Variants in CFAP54 observed in about 807,000 individuals in gnomAD.
The protein encoded by CFAP54 is cilia and flagella associated protein 54.
Under a neutral mutation model 370.4 loss-of-function variants are expected in CFAP54, and 290 were observed. The observed-to-expected ratio is 0.78, with a 90% CI of 0.71 to 0.86. CFAP54 has a LOEUF of 0.86. CFAP54 is among the 40% of genes least tolerant of loss of function. The pLI, the probability that CFAP54 is intolerant of heterozygous loss-of-function variation, is 0.00. For synonymous variants in CFAP54, 1,206 were observed against 1,236.5 expected, an observed-to-expected ratio of 0.98 and a Z score of 0.52; for missense variants, 3,399 against 3,528.7, an observed-to-expected ratio of 0.96 and a Z score of 0.93.
intron 9 of CFAP54, among the ~76,000 whole-genome samples, chr12:96,533,155 A>G (rs1955459414): frequency 6.6e-6 from 1 of 151,196 alleles, no homozygotes; most frequent in Admixed American, 6.6e-5. Flanking sequence ...TTTGAGAGTC[A>G]GGTTCTTGCT....
chr12:96,667,361 A>T (rs1000245346), intron 39 of CFAP54, among the ~76,000 whole-genome samples: 3 of 152,196 alleles, frequency 2.0e-5, no homozygotes, highest in African/African-American at 7.2e-5. Flanking sequence ...GAGGTTCTCC[A>T]TGAGGGACCC....
intron 63 of CFAP54, among the ~76,000 whole-genome samples, chr12:96,801,045 A>G (rs1190113898): frequency 6.6e-6 from 1 of 152,216 alleles, no homozygotes; most frequent in African/African-American, 2.4e-5. Flanking sequence ...AGGGACAAAA[A>G]GAATCATTGT....
At position 96,624,476 on chromosome 12, in the gene CFAP54, G is replaced by A. The variant is rs139124807; in HGVS notation, c.3886+595G>A. ...TGAAAGATTAGTTTAATTTTAGGTCGTTGTACTGTAGTAATTTCATAATAA... is the reference window on the plus strand; with the variant it reads ...TGAAAGATTAGTTTAATTTTAGGTCATTGTACTGTAGTAATTTCATAATAA... On this transcript the variant is annotated intron_variant, in intron 28 of 67. Coordinates refer to ENST00000524981, the MANE Select transcript of CFAP54 (RefSeq NM_001306084.2). 1.4e-4 allele frequency among the ~76,000 whole-genome samples: 22 copies of A among 152,286 alleles called. No individual in the cohort carries two copies. The East Asian group carries it at 2.3e-3, about 16-fold the overall frequency.
At chr12:96,613,481 CA>C (rs1344972129) in intron 26 of CFAP54, among the ~76,000 whole-genome samples, 7 of 152,120 alleles carry the variant, frequency 4.6e-5, no homozygotes, top group Admixed American at 3.3e-4. Context: ...AGAGCGAACA[CA>C]TTCAAAAGCT....
intron 60 of CFAP54, among the ~76,000 whole-genome samples, chr12:96,780,567 C>G (rs878994771): frequency 6.6e-6 from 1 of 151,902 alleles, no homozygotes; most frequent in Admixed American, 6.6e-5. Flanking sequence ...AACTGATATT[C>G]AAGATAGAGA....
rs150125601 is a variant in CFAP54 at position 96,787,010 on chromosome 12, G to C, written c.8679+112G>C. Reference sequence around the variant, plus strand: ...CTGGCACAGATTTCTACTTCTCTCAGAGTTCTAGGGAAGGCTCATTCCTGT... The same window carrying C: ...CTGGCACAGATTTCTACTTCTCTCACAGTTCTAGGGAAGGCTCATTCCTGT... On this transcript the variant is annotated intron_variant, in intron 62 of 67. Transcript: ENST00000524981. 6.7e-5 allele frequency: 55 copies of C among 815,940 alleles called. No homozygotes were observed. The African/African-American group carries it at 7.8e-4, about 12-fold the overall frequency. The allele number at this position is 815,940 out of a possible 1,614,324, so 50.5% of individuals were successfully genotyped here. A position where few individuals can be genotyped will look rare whatever the true frequency, so the allele number is the denominator to read the frequency against.
At chr12:96,785,137 A>C (rs1958616151) in intron 61 of CFAP54, among the ~76,000 whole-genome samples, 1 of 152,212 alleles carries the variant, frequency 6.6e-6, no homozygotes, top group Non-Finnish European at 1.5e-5. Context: ...CATGATAAGG[A>C]GGCATCCAGA....
rs932520696 is a variant in CFAP54, at chr12:96,757,648, A to G, written c.8040+60A>G. ...TTGCCTTTGAGCTTGCTATTTTGGT[A>G]ACACTGTGCTATTGAAATAATGAGG... On this transcript the variant is annotated intron_variant, in intron 58 of 67. Transcript: ENST00000524981. 1.5e-5 allele frequency: 14 copies of G among 935,884 alleles called. No homozygotes were observed. In the East Asian group the frequency reaches 3.1e-4, roughly 21 times the overall value. The allele number at this position is 935,884 out of a possible 1,614,324, so 58.0% of individuals were successfully genotyped here. A position where few individuals can be genotyped will look rare whatever the true frequency, so the allele number is the denominator to read the frequency against.
At chr12:96,682,965 C>T (rs1021649058) in intron 40 of CFAP54, among the ~76,000 whole-genome samples, 9 of 152,256 alleles carry the variant, frequency 5.9e-5, no homozygotes, top group African/African-American at 1.7e-4. Flanking sequence ...ATTCCATTTT[C>T]CTTGTCTTTC....
chr12:96,572,073 A>G (rs971759887), intron 19 of CFAP54, among the ~76,000 whole-genome samples: 1 of 152,222 alleles, frequency 6.6e-6, no homozygotes, highest in Non-Finnish European at 1.5e-5. Flanking sequence ...TAAATATGCC[A>G]TCTTAAAAGA....
At position 96,630,198 on chromosome 12, in the gene CFAP54, TG is replaced by T; in HGVS notation, c.4211del (p.Gly1404GlufsTer10). Reference protein sequence around the residue: ...LKFKAAVMEIGRSAEMQQRIR... With the variant: ...LKFKAAVMEIXRSAEMQQRIR... ...AGTTCAAAGCTGCAGTAATGGAAAT[TG>T]GAAGAGTAAGTTTCCTATGAGTTTT... On this transcript the variant is annotated frameshift_variant, in exon 31 of 68. Coordinates refer to ENST00000524981, the MANE Select transcript of CFAP54 (RefSeq NM_001306084.2). LOFTEE classifies it high-confidence loss of function. 6.8e-7 allele frequency: 1 copy of T among 1,469,072 alleles called. No homozygotes were observed. The highest frequency in any genetic ancestry group is 9.1e-7 in the Non-Finnish European group (1 of 1,096,856). The allele number at this position is 1,469,072 out of a possible 1,614,324, so 91.0% of individuals were successfully genotyped here.
intron 67 of CFAP54, among the ~76,000 whole-genome samples, chr12:96,872,060 C>T (rs376999060): frequency 5.3e-5 from 8 of 152,004 alleles, no homozygotes; most frequent in Non-Finnish European, 1.2e-4. Context: ...AAATATTAAC[C>T]ACCTTTGGAT....
intron 39 of CFAP54, among the ~76,000 whole-genome samples, chr12:96,668,879 A>C (rs113183537): frequency 1.4e-3 from 213 of 152,338 alleles, no homozygotes; most frequent in African/African-American, 4.8e-3. Flanking sequence ...GTAAGCATTC[A>C]TTCATTTATT....
chr12:96,804,617 A>T (rs1370364297), intron 63 of CFAP54, among the ~76,000 whole-genome samples: 1 of 152,176 alleles, frequency 6.6e-6, no homozygotes, highest in Admixed American at 6.5e-5. Flanking sequence ...GAAAGTGTAG[A>T]TGACACAAAC....
rs754843657 is a variant in CFAP54 at position 96,658,026 on chromosome 12, A to G, written c.5245A>G (p.Lys1749Glu). 1.2e-6 allele frequency: 2 copies of G among 1,614,000 alleles called. No individual in the cohort carries two copies. The highest frequency in any genetic ancestry group is 2.2e-5 in the South Asian group (2 of 91,066). ...GAAATGGATCCACGACTTTGTATTA[A>G]AATCTCTGGAAGTTTTATATCAAGT... is the stretch of plus-strand genomic sequence containing the variant. ...DLKWIHDFVL[K>E]SLEVLYQVEK... Residue 1749 changes from lysine (K) to glutamate (E), a missense_variant, in exon 37 of 68, where the codon AAA becomes GAA. Coordinates refer to ENST00000524981, the MANE Select transcript of CFAP54 (RefSeq NM_001306084.2).
chr12:96,856,009 A>C (rs572790222), intron 66 of CFAP54, among the ~76,000 whole-genome samples: 1 of 152,210 alleles, frequency 6.6e-6, no homozygotes, highest in Non-Finnish European at 1.5e-5. Flanking sequence ...CCAAACCTCA[A>C]TTCTTTAGTT....
intron 34 of CFAP54, among the ~76,000 whole-genome samples, chr12:96,649,132 G>C (rs1188606244): frequency 6.6e-6 from 1 of 152,190 alleles, no homozygotes; most frequent in Non-Finnish European, 1.5e-5. Flanking sequence ...TGGTATGCCA[G>C]TTAATGCCCC....
Position 96,776,972 on chromosome 12 carries a change from T to C in CFAP54, c.8282-7745T>C, listed in dbSNP as rs1226686371. Among the ~76,000 whole-genome samples, 4 of 152,212 alleles carry C rather than the reference T, an allele frequency of 2.6e-5. No homozygotes were observed. In the South Asian group the frequency reaches 8.3e-4, roughly 32 times the overall value. On this transcript the variant is annotated intron_variant, in intron 60 of 67. Transcript: ENST00000524981. ...AGTGGTAGATATAAGTTTTCCAAAATTCTAAATCGTTACTTCAAAACTTGA... is the reference window on the plus strand; with the variant it reads ...AGTGGTAGATATAAGTTTTCCAAAACTCTAAATCGTTACTTCAAAACTTGA...
intron 42 of CFAP54, among the ~76,000 whole-genome samples, chr12:96,686,763 G>A (rs2371225): frequency 0.39 from 59,395 of 151,822 alleles, 11,940 homozygotes; most frequent in Middle Eastern, 0.45. Context: ...ATGAGATTTG[G>A]TGGGGACGTA....
Sources: gnomAD v4.1 joint callset for allele counts (sites outside exome capture counted in the v4.1 genomes callset) on GRCh38, gnomAD v4.1.1 for gene constraint, MANE v1.5 for transcripts, NCBI Gene and HGNC (gene_info 2026-07-23, HGNC 2026-07-21) for gene names.